Variants in NFIB observed in about 807,000 individuals in gnomAD.
NFIB encodes nuclear factor 1 B-type.
Under a neutral mutation model 61.5 loss-of-function variants are expected in NFIB, and 11 were observed. The ratio of observed to expected loss-of-function variants is 0.18; its 90% CI spans 0.11 to 0.30. NFIB has a LOEUF of 0.30. Ranked by LOEUF, NFIB falls within the 10% of genes least tolerant of loss-of-function variation. The pLI, the probability that NFIB is intolerant of heterozygous loss-of-function variation, is 1.00. For missense variants in NFIB, 471 were observed against 608.9 expected (o/e 0.77, Z 2.38); for synonymous variants, 260 against 216.5 (o/e 1.20, Z -1.76).
intron 2 of NFIB, among the ~76,000 whole-genome samples, chr9:14,197,089 G>T (rs1293659392): frequency 6.6e-6 from 1 of 152,106 alleles, no homozygotes; most frequent in Admixed American, 6.5e-5. Flanking sequence ...AGCTATTTTC[G>T]AGGCATTTTC....
At chr9:14,207,127 G>T (rs2049825801) in intron 2 of NFIB, among the ~76,000 whole-genome samples, 3 of 152,080 alleles carry the variant, frequency 2.0e-5, no homozygotes, top group Non-Finnish European at 4.4e-5. Context: ...TAACACTAAG[G>T]GATGCTATTA....
intron 2 of NFIB, among the ~76,000 whole-genome samples, chr9:14,219,405 G>A (rs200365259): frequency 7.8e-3 from 221 of 28,222 alleles, no homozygotes; most frequent in African/African-American, 9.5e-3. Context: ...AAAAAAAAAA[G>A]TCTAAGTTGA....
chr9:14,499,863 T>C, the NFIB span, among the ~76,000 whole-genome samples: 3 of 152,174 alleles, frequency 2.0e-5, no homozygotes, highest in Non-Finnish European at 4.4e-5. Flanking sequence ...TGAAGAAGAC[T>C]CCTAGGCTGA....
intron 1 of NFIB, among the ~76,000 whole-genome samples, chr9:14,389,906 C>A (rs142935710): frequency 6.6e-6 from 1 of 152,308 alleles, no homozygotes; most frequent in African/African-American, 2.4e-5. Flanking sequence ...TTAGTCTGGG[C>A]AGTTGTGTCA....
the NFIB span, among the ~76,000 whole-genome samples, chr9:14,527,665 G>T: frequency 1.3e-5 from 2 of 152,024 alleles, no homozygotes; most frequent in Non-Finnish European, 2.9e-5. Context: ...TTCTTTACAG[G>T]TATTTGTCAA....
At position 14,313,651 on chromosome 9, in the gene NFIB, C is replaced by T; in HGVS notation, c.-140G>A. ...GGGGCTCTGCGCTGGATCACCGCAA[C>T]TTCACAACAAACCCAGTCCTCCTTA... is the stretch of plus-strand genomic sequence containing the variant. On this transcript the variant is annotated 5_prime_UTR_variant, in exon 1 of 11. Transcript: ENST00000380953. The surrounding 1 kb of genome is among the most constrained non-coding windows in gnomAD (Gnocchi z 4.5). The T allele has an allele frequency of 6.5e-7, 1 of 1,530,772 alleles. No homozygotes were observed. 94.8% of individuals were successfully genotyped at this position (1,530,772 alleles called of 1,614,324 possible). A position where few individuals can be genotyped will look rare whatever the true frequency, so the allele number is the denominator to read the frequency against.
At chr9:14,198,787 T>C (rs2048717073) in intron 2 of NFIB, among the ~76,000 whole-genome samples, 1 of 152,054 alleles carries the variant, frequency 6.6e-6, no homozygotes, top group Non-Finnish European at 1.5e-5. Flanking sequence ...GACACCAAAC[T>C]GGAAAGCAAA....
chr9:14,107,137 A>C (rs1455454501), intron 10 of NFIB, among the ~76,000 whole-genome samples: 2 of 151,820 alleles, frequency 1.3e-5, no homozygotes. Flanking sequence ...AAGGATTAAC[A>C]CTCCAATATT....
intron 2 of NFIB, among the ~76,000 whole-genome samples, chr9:14,268,601 C>T (rs564954057): frequency 6.6e-6 from 1 of 152,282 alleles, no homozygotes; most frequent in East Asian, 1.9e-4. Context: ...TCATGAGAAC[C>T]TTCTTTGGAT....
At chr9:14,325,247 A>C (rs568965454) in intron 1 of NFIB, among the ~76,000 whole-genome samples, 1 of 152,126 alleles carries the variant, frequency 6.6e-6, no homozygotes. Flanking sequence ...GGCCTCTGGC[A>C]CATCTAACTG....
chr9:14,359,296 C>A (rs931115884), intron 1 of NFIB, among the ~76,000 whole-genome samples: 4 of 152,186 alleles, frequency 2.6e-5, no homozygotes, highest in African/African-American at 9.7e-5. Context: ...GAGATGAAAT[C>A]CTCCTGGATT....
At position 14,134,897 on chromosome 9, in the gene NFIB, CAAAAAAA is replaced by C. The variant is rs57014530; in HGVS notation, c.926-9138_926-9132del. ...TGGGTGACAGGGCGAGACTCTGTCT[CAAAAAAA>C]AAAAAAAAAAAAAAAAGGAAATTGA... On this transcript the variant is annotated intron_variant, in intron 6 of 10. Coordinates refer to ENST00000380953, the MANE Select transcript of NFIB (RefSeq NM_001190737.2). 9.8e-3 allele frequency among the ~76,000 whole-genome samples: 631 copies of C among 64,342 alleles called. 11 individuals carry two copies. Among genetic ancestry groups the C allele is most frequent in the African/African-American group, 0.025 (539 of 21,562 alleles). The allele number at this position is 64,342 out of a possible 152,430, so 42.2% of individuals were successfully genotyped here.
At chr9:14,321,629 G>A (rs1286260285) in intron 1 of NFIB, among the ~76,000 whole-genome samples, 2 of 152,158 alleles carry the variant, frequency 1.3e-5, no homozygotes, top group African/African-American at 4.8e-5. Context: ...ATAAAGCAGA[G>A]AGTTAAAGCA....
At chr9:14,464,202 C>T in the NFIB span, among the ~76,000 whole-genome samples, 2 of 152,166 alleles carry the variant, frequency 1.3e-5, no homozygotes, top group Non-Finnish European at 2.9e-5. Flanking sequence ...CAATGCCTTA[C>T]GTTTATGAAA....
At chr9:14,278,872 AG>A (rs1338410559) in intron 2 of NFIB, among the ~76,000 whole-genome samples, 2 of 152,186 alleles carry the variant, frequency 1.3e-5, no homozygotes, top group Non-Finnish European at 2.9e-5. Flanking sequence ...AGGCATACTG[AG>A]GGGAAAAAAA....
the NFIB span, among the ~76,000 whole-genome samples, chr9:14,444,574 T>C: frequency 6.6e-6 from 1 of 152,180 alleles, no homozygotes; most frequent in African/African-American, 2.4e-5. Context: ...AGATTTGTTT[T>C]CATGATTAGA....
At chr9:14,348,967 C>G (rs879555429) in intron 1 of NFIB, among the ~76,000 whole-genome samples, 1 of 152,238 alleles carries the variant, frequency 6.6e-6, no homozygotes, top group African/African-American at 2.4e-5. Context: ...CTCCAACACC[C>G]GGCACTTTTC....
At chr9:14,089,228 T>C (rs1053668150) in intron 10 of NFIB, among the ~76,000 whole-genome samples, 2 of 152,022 alleles carry the variant, frequency 1.3e-5, no homozygotes, top group African/African-American at 2.4e-5. Context: ...ATACCACATT[T>C]GAGCTGCTCT....
intron 6 of NFIB, among the ~76,000 whole-genome samples, chr9:14,133,145 T>A (rs1232286942): frequency 2.6e-5 from 4 of 152,184 alleles, no homozygotes; most frequent in African/African-American, 4.8e-5. Context: ...AAGTTCTTCA[T>A]TTTTTGGACT....
Sources: allele counts gnomAD v4.1 joint callset (sites outside exome capture counted in the v4.1 genomes callset), GRCh38; gene constraint gnomAD v4.1.1; non-coding constraint Gnocchi (gnomAD v3.1); transcripts MANE v1.5; gene names NCBI Gene and HGNC (gene_info 2026-07-23, HGNC 2026-07-21).